Variants in LRP1B observed in about 807,000 individuals in gnomAD.
LRP1B encodes the protein low-density lipoprotein receptor-related protein 1B.
A neutral mutation model predicts 556.6 loss-of-function variants in LRP1B; 217 were observed. That is an observed-to-expected ratio of 0.39 (90% CI 0.35 to 0.44). LRP1B has a LOEUF of 0.44. Ranked by LOEUF, LRP1B falls within the 20% of genes least tolerant of loss-of-function variation. The pLI, the probability that LRP1B is intolerant of heterozygous loss-of-function variation, is 1.00. For synonymous variants in LRP1B, 2,047 were observed against 1,865.8 expected (o/e 1.10, Z -2.50); for missense variants, 5,053 against 5,620.8 (o/e 0.90, Z 3.23).
In LRP1B at chr2:141,337,102, T is replaced by TA. The variant is rs369738074; in HGVS notation, c.344-82462dup. On this transcript the variant is annotated intron_variant, in intron 3 of 90. Coordinates refer to ENST00000389484, the MANE Select transcript of LRP1B (RefSeq NM_018557.3). ...CATGATAGCTGTGTATTTAAATGTC[T>TA]AAAAAAAACTGCCAAACTGTTTTCC... is the stretch of plus-strand genomic sequence containing the variant. Among the ~76,000 whole-genome samples the TA allele has an allele frequency of 2.6e-3, 401 of 152,132 alleles. 2 individuals are homozygous for TA. In the Middle Eastern group the frequency reaches 0.034, roughly 13 times the overall value.
intron 23 of LRP1B, among the ~76,000 whole-genome samples, chr2:140,890,584 C>T (rs888698358): frequency 1.3e-5 from 2 of 151,844 alleles, no homozygotes; most frequent in Non-Finnish European, 2.9e-5. Flanking sequence ...AATAAACAAA[C>T]AAAATAAACT....
chr2:140,603,990 A>T (rs2105206291), intron 41 of LRP1B, among the ~76,000 whole-genome samples: 1 of 152,198 alleles, frequency 6.6e-6, no homozygotes, highest in South Asian at 2.1e-4. Flanking sequence ...GTGTTTGAAC[A>T]TTGAGATTCC....
At chr2:141,006,399 G>A (rs186875381) in intron 14 of LRP1B, among the ~76,000 whole-genome samples, 2 of 152,056 alleles carry the variant, frequency 1.3e-5, no homozygotes, top group Non-Finnish European at 2.9e-5. Flanking sequence ...TAGCTGTAAC[G>A]TTGTATCCTT....
intron 3 of LRP1B, among the ~76,000 whole-genome samples, chr2:141,394,447 T>C (rs984367796): frequency 5.9e-5 from 9 of 152,106 alleles, no homozygotes; most frequent in African/African-American, 2.2e-4. Flanking sequence ...GGCAGTCTTT[T>C]TATCATTTCA....
intron 3 of LRP1B, among the ~76,000 whole-genome samples, chr2:141,346,482 G>A (rs559600353): frequency 9.2e-5 from 14 of 152,030 alleles, no homozygotes; most frequent in Non-Finnish European, 1.6e-4. Context: ...AGTTATTAAC[G>A]TTCTCCTGGA....
intron 18 of LRP1B, among the ~76,000 whole-genome samples, chr2:140,954,371 G>A (rs912290976): frequency 6.6e-6 from 1 of 152,030 alleles, no homozygotes; most frequent in Non-Finnish European, 1.5e-5. Flanking sequence ...GATATGATGA[G>A]ATCTAATCTT....
intron 7 of LRP1B, among the ~76,000 whole-genome samples, chr2:141,150,866 GGTTTGTGTGTGTGTGTGTGTGTGTGTGT>G: frequency 2.2e-5 from 1 of 45,818 alleles, no homozygotes; most frequent in South Asian, 6.7e-4. Context: ...TTGTCATGCT[GGTTTGTGTGTGTGTGTGTGTGTGTGTGT>G]GTGTGTGTGT....
chr2:141,564,748 T>G (rs1487613036), intron 2 of LRP1B, among the ~76,000 whole-genome samples: 1 of 152,080 alleles, frequency 6.6e-6, no homozygotes, highest in South Asian at 2.1e-4. Flanking sequence ...AAGATGGAGC[T>G]TCATCGAACA....
chr2:140,503,750 T>C (rs1481778286), intron 53 of LRP1B, among the ~76,000 whole-genome samples: 2 of 152,104 alleles, frequency 1.3e-5, no homozygotes, highest in African/African-American at 4.8e-5. Context: ...CAACATTGTT[T>C]TATAAGAATT....
intron 41 of LRP1B, among the ~76,000 whole-genome samples, chr2:140,684,750 T>A (rs752993813): frequency 1.4e-4 from 22 of 152,308 alleles, no homozygotes; most frequent in Non-Finnish European, 2.6e-4. Flanking sequence ...CCAACATCCC[T>A]TTTTATATTT....
chr2:142,049,758 G>C (rs1418332836), intron 1 of LRP1B, among the ~76,000 whole-genome samples: 1 of 152,064 alleles, frequency 6.6e-6, no homozygotes, highest in Admixed American at 6.6e-5. Context: ...GCCATTTATT[G>C]AAACACTGAT....
chr2:140,304,832 A>T (rs1558786241), intron 83 of LRP1B, among the ~76,000 whole-genome samples: 2 of 152,178 alleles, frequency 1.3e-5, no homozygotes, highest in Admixed American at 6.5e-5. Flanking sequence ...TAATTTTTGT[A>T]TAAGGTGTAA....
At position 141,336,095 on chromosome 2, in the gene LRP1B, G is replaced by T. The variant is rs1338025934; in HGVS notation, c.344-81454C>A. The stretch of plus-strand genomic sequence containing the variant: ...ACCTTTAAGTAAAGGAGTATATAAT[G>T]AAATATCCCAGACCTGTCCAAAAAA... On this transcript the variant is annotated intron_variant, in intron 3 of 90. Transcript: ENST00000389484. 1.0e-4 allele frequency among the ~76,000 whole-genome samples: 7 copies of T among 69,584 alleles called. No individual in the cohort carries two copies. In the East Asian group the frequency reaches 2.2e-3, roughly 21 times the overall value. The allele number at this position is 69,584 out of a possible 152,430, so 45.6% of individuals were successfully genotyped here.
Position 141,967,186 on chromosome 2 carries a change from A to G in LRP1B, c.83-156785T>C, listed in dbSNP as rs1218063864. On this transcript the variant is annotated intron_variant, in intron 1 of 90. Transcript: ENST00000389484. ...TCCTTACTACTTCTAATTTCTCTAC[A>G]TTCTGTTTACTCAGAATAGACTACA... Among the ~76,000 whole-genome samples the G allele has an allele frequency of 4.6e-5, 7 of 151,890 alleles. No homozygotes were observed. In the South Asian group the frequency reaches 1.2e-3, roughly 27 times the overall value.
intron 1 of LRP1B, among the ~76,000 whole-genome samples, chr2:142,081,268 A>G (rs1705704303): frequency 1.3e-5 from 2 of 152,210 alleles, no homozygotes; most frequent in South Asian, 4.1e-4. Context: ...TATTTTGTGA[A>G]ATACTTGAGG....
chr2:140,539,800 A>G (rs999577460), intron 45 of LRP1B, among the ~76,000 whole-genome samples: 1 of 152,164 alleles, frequency 6.6e-6, no homozygotes, highest in Non-Finnish European at 1.5e-5. Context: ...TAAGTGACAA[A>G]GAAATATGGG....
chr2:140,261,566 A>T (rs1450290371), intron 86 of LRP1B, among the ~76,000 whole-genome samples: 1 of 151,962 alleles, frequency 6.6e-6, no homozygotes, highest in Non-Finnish European at 1.5e-5. Flanking sequence ...ATTAATAATT[A>T]GGTTGAATAA....
intron 10 of LRP1B, among the ~76,000 whole-genome samples, chr2:141,053,250 T>C (rs910120704): frequency 1.6e-4 from 25 of 151,970 alleles, no homozygotes; most frequent in African/African-American, 5.6e-4. Context: ...AAGTTTAGAA[T>C]ATGGAAGTGA....
rs115602989 is a variant in LRP1B, at chr2:140,485,055, T to A, written c.9425+288A>T. ...TCCTTCAAGATTTAAAGGCATTAAA[T>A]CAGTGAAATCTGTATGTTTTATTCA... On this transcript the variant is annotated intron_variant, in intron 59 of 90. Coordinates refer to ENST00000389484, the MANE Select transcript of LRP1B (RefSeq NM_018557.3). Among the ~76,000 whole-genome samples, 736 of 152,322 alleles carry A rather than the reference T, an allele frequency of 4.8e-3. 2 individuals are homozygous for A. Among genetic ancestry groups the A allele is most frequent in the South Asian group, 9.1e-3 (44 of 4,822 alleles).
Sources: gnomAD v4.1 joint callset for allele counts (sites outside exome capture counted in the v4.1 genomes callset) on GRCh38, gnomAD v4.1.1 for gene constraint, MANE v1.5 for transcripts, NCBI Gene and HGNC (gene_info 2026-07-23, HGNC 2026-07-21) for gene names.